The following NEK9 variants were observed in gnomAD, a reference collection of about 807,000 sequenced individuals.
The protein encoded by NEK9 is NIMA related kinase 9.
NEK9 carries 75 observed loss-of-function variants against 123.4 expected under a neutral mutation model. The observed-to-expected ratio is 0.61, with a 90% CI of 0.50 to 0.74. NEK9 has a LOEUF of 0.74. NEK9 is among the 30% of genes least tolerant of loss of function. NEK9 has a pLI of 0.00. For synonymous variants in NEK9, 438 were observed against 458.7 expected (o/e 0.95, Z 0.58); for missense variants, 952 against 1,214.4 (o/e 0.78, Z 3.21).
chr14:75,097,078 C>T (rs1326761049), intron 17 of NEK9, 22 bp downstream of exon 17: 15 of 1,583,536 alleles, frequency 9.5e-6, no homozygotes, highest in Non-Finnish European at 1.2e-5. Flanking sequence ...CCATCCCAAC[C>T]CCAGACATAT....
intron 1 of NEK9, 152 bp from the exon 2 acceptor site, chr14:75,124,375 T>C (rs750750712): frequency 6.5e-6 from 4 of 614,208 alleles, no homozygotes; most frequent in Admixed American, 2.9e-5. Context: ...AAAGGTTATG[T>C]GTACAATTTA....
Position 75,120,533 on chromosome 14 carries a change from G to C in NEK9, c.501C>G (p.Ile167Met). 1 of 1,611,776 alleles carries C rather than the reference G, an allele frequency of 6.2e-7. No homozygotes were observed. ...LFQIVSAVSC[I>M]HKAGILHRDI... Reference sequence around the variant, plus strand: ...ACCTATGAAGGATTCCAGCTTTATGGATGCAGCTCACTGCTGAAACAATCT... The same window carrying C: ...ACCTATGAAGGATTCCAGCTTTATGCATGCAGCTCACTGCTGAAACAATCT... Residue 167 changes from isoleucine (I) to methionine (M), a missense_variant, in exon 4 of 22, where the codon ATC becomes ATG. By Grantham distance (10) the Ile-to-Met change is conservative. Transcript: ENST00000238616.
rs571373095 is a variant in NEK9, at chr14:75,085,427, C to T, written c.2818-741G>A. ...AACAAAGTAGCCCAAACACCTACAG[C>T]TGGCAAATGGCAAAGCCAAGGGCCT... On this transcript the variant is annotated intron_variant, in intron 21 of 21. Transcript: ENST00000238616. 2.0e-5 allele frequency among the ~76,000 whole-genome samples: 3 copies of T among 152,386 alleles called. No homozygotes were observed. In the South Asian group the frequency reaches 6.2e-4, roughly 32 times the overall value.
intron 6 of NEK9, among the ~76,000 whole-genome samples, chr14:75,115,083 G>A (rs538903254): frequency 5.1e-4 from 53 of 104,888 alleles, no homozygotes; most frequent in Admixed American, 3.2e-3. Flanking sequence ...ATATATACAC[G>A]TGTGTGTACA....
In NEK9 at chr14:75,084,501, C is replaced by T. The variant is rs562092465; in HGVS notation, c.*63G>A. 1.9e-6 allele frequency: 3 copies of T among 1,593,800 alleles called. No homozygotes were observed. Among genetic ancestry groups the T allele is most frequent in the East Asian group, 4.5e-5 (2 of 44,694 alleles). ...AGCCAGGAAAGCTGCTCTCTGCATT[C>T]GGTAAGTGTGCTGTGAAGTTCTTTG... is the stretch of plus-strand genomic sequence containing the variant. On this transcript the variant is annotated 3_prime_UTR_variant, in exon 22 of 22. Coordinates refer to ENST00000238616, the MANE Select transcript of NEK9 (RefSeq NM_033116.6).
At chr14:75,121,293 A>G in intron 2 of NEK9, 119 bp from the exon 3 acceptor site, 2 of 674,840 alleles carry the variant, frequency 3.0e-6, no homozygotes, top group South Asian at 3.9e-5. Context: ...TCCATAGGCA[A>G]CTACTTCTTT....
chr14:75,090,128 T>C (rs958931212), intron 19 of NEK9, among the ~76,000 whole-genome samples: 6 of 151,872 alleles, frequency 4.0e-5, no homozygotes, highest in African/African-American at 7.3e-5. Flanking sequence ...CCACCATGCC[T>C]GGCCCTGGCC....
At chr14:75,109,309 CCTTT>C (rs1227597251) in intron 10 of NEK9, among the ~76,000 whole-genome samples, 3 of 152,158 alleles carry the variant, frequency 2.0e-5, no homozygotes, top group African/African-American at 4.8e-5. Context: ...TATAGTCCTT[CCTTT>C]GTTTACAAAG....
chr14:75,123,175 C>T (rs449131), intron 2 of NEK9, among the ~76,000 whole-genome samples: 60,053 of 151,288 alleles, frequency 0.4, 12,469 homozygotes, highest in Middle Eastern at 0.5. Context: ...CGGAGGTGGG[C>T]GGATCACCTA....
rs1310532872 is a variant in NEK9 at position 75,091,357 on chromosome 14, G to A, written c.2355C>T (p.Asp785=). ...SGGFRGTMEA[D]RGMEGLISPT... ...GACTGATTAAACCTTCCATTCCTCG[G>A]TCTGCTTCCATTGTTCCTCGGAAGC... Residue 785 remains aspartate (D), a synonymous_variant, in exon 19 of 22, where the codon GAC becomes GAT. Transcript: ENST00000238616. 1 of 1,614,026 alleles carries A rather than the reference G, an allele frequency of 6.2e-7. No homozygotes were observed. The highest frequency in any genetic ancestry group is 1.7e-5 in the Admixed American group (1 of 59,990).
intron 5 of NEK9, among the ~76,000 whole-genome samples, chr14:75,117,531 G>A (rs936881720): frequency 6.6e-6 from 1 of 152,118 alleles, no homozygotes; most frequent in Non-Finnish European, 1.5e-5. Context: ...ATTATAAAGG[G>A]ACAATCTCTG....
Position 75,124,216 on chromosome 14 carries a change from G to C in NEK9, c.227C>G (p.Ser76Ter). The change falls in exon 2 of 22, where the codon TCA (serine) becomes TGA (stop). Residue 76 changes from serine to a stop codon, truncating the protein, a stop_gained. Coordinates refer to ENST00000238616, the MANE Select transcript of NEK9 (RefSeq NM_033116.6). LOFTEE classifies it high-confidence loss of function. ...ATCGACTTCCTTCCACACAACCAGT[G>C]AGTCATCCTAAACACAGTAACAGAG... is the stretch of plus-strand genomic sequence containing the variant. The part of the protein sequence containing the change: ...ATLYRRTEDD[S>*]LVVWKEVDLT... The C allele has an allele frequency of 6.2e-7, 1 of 1,613,672 alleles. No individual in the cohort carries two copies.
At chr14:75,101,603 G>T in intron 15 of NEK9, 54 bp downstream of exon 15, 1 of 1,237,608 alleles carries the variant, frequency 8.1e-7, no homozygotes, top group Non-Finnish European at 1.2e-6. Context: ...ATACCTGATA[G>T]AATAAAAGAG....
chr14:75,115,706 C>T (rs1451477297), intron 6 of NEK9, among the ~76,000 whole-genome samples: 1 of 152,138 alleles, frequency 6.6e-6, no homozygotes, highest in African/African-American at 2.4e-5. Flanking sequence ...ACTTTAGCCC[C>T]TCAGTGTGCT....
chr14:75,113,105 T>C (rs1326434768), intron 8 of NEK9, among the ~76,000 whole-genome samples: 1 of 152,098 alleles, frequency 6.6e-6, no homozygotes, highest in Non-Finnish European at 1.5e-5. Flanking sequence ...AACCAATGGG[T>C]TGGGGAGTGA....
Position 75,084,680 on chromosome 14 carries a change from T to C in NEK9, c.2824A>G (p.Met942Val). Residue 942 changes from methionine (M) to valine (V), a missense_variant, in exon 22 of 22, where the codon ATG (methionine) becomes GTG (valine). This residue lies in a region of NEK9 where 698 missense variants were observed against 875.6 expected (regional missense o/e 0.80). Transcript: ENST00000238616. ...GCTGTCTGAGTTCCTTTGGAATGCA[T>C]CCCCACCTGTCCGGATAAAACACGG... ...KKLEGGQQVGMHSKGTQTAKE... is the reference protein window; with the variant it reads ...KKLEGGQQVGVHSKGTQTAKE... 1.2e-6 allele frequency: 2 copies of C among 1,614,004 alleles called. No individual in the cohort carries two copies. Among genetic ancestry groups the C allele is most frequent in the South Asian group, 1.1e-5 (1 of 91,078 alleles).
At chr14:75,091,238 T>C in intron 19 of NEK9, 32 bp downstream of exon 19, 1 of 1,575,084 alleles carries the variant, frequency 6.3e-7, no homozygotes, top group Non-Finnish European at 8.6e-7. Context: ...GGCCACATAT[T>C]TTATCCAAGT....
chr14:75,089,580 G>A (rs550277548), intron 19 of NEK9, among the ~76,000 whole-genome samples: 3 of 152,096 alleles, frequency 2.0e-5, no homozygotes, highest in East Asian at 1.9e-4. Context: ...CTGTCGCCCA[G>A]GCTGGACTGC....
At chr14:75,101,971 G>A (rs890396417) in intron 14 of NEK9, among the ~76,000 whole-genome samples, 4 of 152,186 alleles carry the variant, frequency 2.6e-5, no homozygotes, top group African/African-American at 9.7e-5. Flanking sequence ...AGCACATGAG[G>A]CAGAACTTTC....
Sources: gnomAD v4.1 joint callset for allele counts (sites outside exome capture counted in the v4.1 genomes callset) on GRCh38, gnomAD v4.1.1 for gene constraint, gnomAD v4.1.1 regional missense constraint, MANE v1.5 for transcripts, NCBI Gene and HGNC (gene_info 2026-07-23, HGNC 2026-07-21) for gene names.